USP34: variants seen among roughly 807,000 people sequenced by gnomAD.
USP34 encodes ubiquitin specific peptidase 34.
Under a neutral mutation model 460.3 loss-of-function variants are expected in USP34, and 70 were observed. The ratio of observed to expected loss-of-function variants is 0.15; its 90% CI spans 0.13 to 0.19. USP34 has a LOEUF of 0.19. Among genes scored for constraint, USP34 ranks in the 10% least tolerant of loss-of-function variants. The probability of loss-of-function intolerance (pLI) is 1.00; values close to 1 mark genes in which losing one functional copy is unlikely to be tolerated. For synonymous variants in USP34, 1,647 were observed against 1,405.3 expected (o/e 1.17, Z -3.85); for missense variants, 3,985 against 4,236.2 (o/e 0.94, Z 1.65).
intron 2 of USP34, among the ~76,000 whole-genome samples, chr2:61,417,719 C>CTTTTTTTT (rs201901250): frequency 7.6e-6 from 1 of 130,766 alleles, no homozygotes; most frequent in Non-Finnish European, 1.6e-5. Flanking sequence ...ATACTAAAAT[C>CTTTTTTTT]TTTTTTTTTT....
At chr2:61,201,135 C>T (rs1381403512) in intron 75 of USP34, among the ~76,000 whole-genome samples, 1 of 151,372 alleles carries the variant, frequency 6.6e-6, no homozygotes, top group Non-Finnish European at 1.5e-5. Flanking sequence ...TTCAAGTTCT[C>T]AACACTCACA....
intron 1 of USP34, among the ~76,000 whole-genome samples, chr2:61,469,824 C>T (rs538923777): frequency 5.0e-4 from 76 of 152,226 alleles, no homozygotes; most frequent in South Asian, 2.7e-3. Flanking sequence ...TGCAATATAT[C>T]TTCTATAAGC....
In USP34 at chr2:61,220,473, C is replaced by G. The variant is rs184765207; in HGVS notation, c.7900-16G>C. 44 of 1,598,070 alleles carry G rather than the reference C, an allele frequency of 2.8e-5. No homozygotes were observed. In the Admixed American group the frequency reaches 6.1e-4, roughly 22 times the overall value. ...ATTCAATCACCTACAAATAACATGA[C>G]AAGAACAGAATATAAGGCCAACTGA... On this transcript the variant is annotated splice_polypyrimidine_tract_variant and intron_variant, in intron 66 of 79. Coordinates refer to ENST00000398571, the MANE Select transcript of USP34 (RefSeq NM_014709.4).
intron 48 of USP34, among the ~76,000 whole-genome samples, chr2:61,252,036 G>T (rs1001197976): frequency 1.3e-5 from 2 of 150,896 alleles, no homozygotes; most frequent in African/African-American, 4.9e-5. Flanking sequence ...GTCGAGATAA[G>T]AAAAATAAAA....
intron 68 of USP34, 100 bp from the exon 69 acceptor site, chr2:61,212,029 C>A: frequency 7.6e-7 from 1 of 1,309,800 alleles, no homozygotes; most frequent in Non-Finnish European, 1.0e-6. Context: ...TAAAATTATA[C>A]AAATAAGCTA....
chr2:61,293,543 G>A lies in USP34; in HGVS notation c.4469C>T (p.Ala1490Val). The A allele has an allele frequency of 6.2e-7, 1 of 1,611,470 alleles. No homozygotes were observed. Among genetic ancestry groups the A allele is most frequent in the Non-Finnish European group, 8.5e-7 (1 of 1,178,554 alleles). Residue 1490 changes from alanine to valine, a missense_variant, in exon 33 of 80, where the codon GCT becomes GTT. Coordinates refer to ENST00000398571, the MANE Select transcript of USP34 (RefSeq NM_014709.4). Reference sequence around the variant, plus strand: ...TAATAACTGTTGAAGCCCTCCAGCAGCAACAAACTGTAGGCAATTGTGAAA... The same window carrying A: ...TAATAACTGTTGAAGCCCTCCAGCAACAACAAACTGTAGGCAATTGTGAAA... ...SKNSWSCKFV[A>V]AGGLQQLLEI...
At chr2:61,309,062 C>A (rs1225488505) in intron 27 of USP34, among the ~76,000 whole-genome samples, 2 of 151,972 alleles carry the variant, frequency 1.3e-5, no homozygotes, top group Non-Finnish European at 2.9e-5. Context: ...ACAACAACAA[C>A]AAAAGATACA....
intron 1 of USP34, among the ~76,000 whole-genome samples, chr2:61,438,261 A>G (rs746562437): frequency 1.3e-5 from 2 of 152,186 alleles, no homozygotes; most frequent in Non-Finnish European, 2.9e-5. Flanking sequence ...CCATAGGATC[A>G]TCTCAATAGA....
intron 25 of USP34, among the ~76,000 whole-genome samples, chr2:61,313,261 T>C (rs1484575303): frequency 1.3e-5 from 2 of 151,356 alleles, no homozygotes; most frequent in East Asian, 3.9e-4. Context: ...CAGAAAAAAA[T>C]TTGTACATCT....
At chr2:61,317,399 T>C (rs1021897426) in intron 23 of USP34, among the ~76,000 whole-genome samples, 1 of 152,018 alleles carries the variant, frequency 6.6e-6, no homozygotes, top group Non-Finnish European at 1.5e-5. Flanking sequence ...TGGTGGCAAA[T>C]GTCTGTAATC....
rs377761762 is a variant in USP34 at position 61,344,192 on chromosome 2, C to T, written c.2286-163G>A. Reference sequence around the variant, plus strand: ...GAGAGCTTTACGAAACTGAAAACTTCACACTGTCAGAATTATTAAATAATT... The same window carrying T: ...GAGAGCTTTACGAAACTGAAAACTTTACACTGTCAGAATTATTAAATAATT... On this transcript the variant is annotated intron_variant, in intron 15 of 79. Transcript: ENST00000398571. Among the ~76,000 whole-genome samples the T allele has an allele frequency of 5.9e-5, 9 of 152,286 alleles. No homozygotes were observed. In the East Asian group the frequency reaches 7.7e-4, roughly 13 times the overall value.
chr2:61,213,084 T>C (rs1687313644), intron 68 of USP34, among the ~76,000 whole-genome samples: 1 of 152,084 alleles, frequency 6.6e-6, no homozygotes, highest in Admixed American at 6.6e-5. Flanking sequence ...TGCAGTACAA[T>C]GTCTCAATGC....
chr2:61,378,951 A>G (rs1553379464), intron 7 of USP34, among the ~76,000 whole-genome samples: 1 of 145,214 alleles, frequency 6.9e-6, no homozygotes, highest in African/African-American at 2.6e-5. Context: ...CACTAAATTC[A>G]TTCCACAAAT....
At chr2:61,412,233 AAAG>A (rs1257236945) in intron 2 of USP34, among the ~76,000 whole-genome samples, 1 of 143,674 alleles carries the variant, frequency 7.0e-6, no homozygotes, top group Non-Finnish European at 1.5e-5. Flanking sequence ...AAAGAAACAG[AAAG>A]AAAAGAAAAG....
chr2:61,403,992 C>CAAA (rs71405114), intron 3 of USP34, among the ~76,000 whole-genome samples: 5,195 of 29,072 alleles, frequency 0.18, 1,446 homozygotes, highest in East Asian at 0.29. Flanking sequence ...GACTCTATCT[C>CAAA]AAAAAAAAAA....
intron 10 of USP34, among the ~76,000 whole-genome samples, chr2:61,357,187 C>T (rs988279010): frequency 6.6e-6 from 1 of 152,122 alleles, no homozygotes; most frequent in African/African-American, 2.4e-5. Flanking sequence ...AGACTGGATG[C>T]TAGACCACAA....
At chr2:61,366,657 G>T (rs944591075) in intron 10 of USP34, among the ~76,000 whole-genome samples, 1 of 152,120 alleles carries the variant, frequency 6.6e-6, no homozygotes, top group Non-Finnish European at 1.5e-5. Flanking sequence ...TATTCCCCGA[G>T]AAGTTGCCAG....
At chr2:61,328,055 GGGAGGC>G (rs943563802) in intron 20 of USP34, among the ~76,000 whole-genome samples, 9 of 152,228 alleles carry the variant, frequency 5.9e-5, no homozygotes, top group Middle Eastern at 3.4e-3. Context: ...CTAGCACTTT[GGGAGGC>G]GGAGGCGGAG....
At position 61,339,687 on chromosome 2, in the gene USP34, GA is replaced by G; in HGVS notation, c.2501-7del. On this transcript the variant is annotated splice_region_variant and splice_polypyrimidine_tract_variant and intron_variant, in intron 16 of 79. Transcript: ENST00000398571. ...ATGTTTATGAACTACAGGTCCTGAA[GA>G]GAAAAAAAAAAAAAAGACACACTAT... 8 of 1,257,096 alleles carry G rather than the reference GA, an allele frequency of 6.4e-6. No individual in the cohort carries two copies. In the East Asian group the frequency reaches 2.0e-4, roughly 31 times the overall value. 77.9% of individuals were successfully genotyped at this position (1,257,096 alleles called of 1,614,324 possible).
Sources: gnomAD v4.1 joint callset for allele counts (sites outside exome capture counted in the v4.1 genomes callset) on GRCh38, gnomAD v4.1.1 for gene constraint, MANE v1.5 for transcripts, NCBI Gene and HGNC (gene_info 2026-07-23, HGNC 2026-07-21) for gene names.